Variants in PLXNA2 observed in about 807,000 individuals in gnomAD.
PLXNA2 encodes the protein plexin A2, also known as plexin-A2.
A neutral mutation model predicts 193.5 loss-of-function variants in PLXNA2; 91 were observed. That is an observed-to-expected ratio of 0.47 (90% CI 0.40 to 0.56). The LOEUF (loss-of-function observed/expected upper bound fraction) is 0.56, where lower values mean the gene tolerates loss of function less well. Ranked by LOEUF, PLXNA2 falls within the 20% of genes least tolerant of loss-of-function variation. The pLI, the probability that PLXNA2 is intolerant of heterozygous loss-of-function variation, is 0.00. For missense variants in PLXNA2, 1,995 were observed against 2,503.2 expected, an observed-to-expected ratio of 0.80 and a Z score of 4.33; for synonymous variants, 997 against 1,027.3, an observed-to-expected ratio of 0.97 and a Z score of 0.56.
At chr1:208,144,460 T>A (rs1444594939) in intron 3 of PLXNA2, among the ~76,000 whole-genome samples, 1 of 152,126 alleles carries the variant, frequency 6.6e-6, no homozygotes, top group Non-Finnish European at 1.5e-5. Context: ...AAACAGACCA[T>A]GAGTCCATCG....
At chr1:208,121,117 G>T (rs368990495) in intron 4 of PLXNA2, among the ~76,000 whole-genome samples, 1 of 152,278 alleles carries the variant, frequency 6.6e-6, no homozygotes, top group East Asian at 1.9e-4. Context: ...CCCAATGGAA[G>T]AATTTCTCTG....
At chr1:208,132,618 A>G (rs1252805746) in intron 4 of PLXNA2, among the ~76,000 whole-genome samples, 1 of 152,220 alleles carries the variant, frequency 6.6e-6, no homozygotes, top group Admixed American at 6.5e-5. Flanking sequence ...AGATTTCAAC[A>G]CAGCTTAAAT....
At chr1:208,220,199 G>T (rs1347868442) in intron 1 of PLXNA2, among the ~76,000 whole-genome samples, 1 of 152,076 alleles carries the variant, frequency 6.6e-6, no homozygotes, top group Non-Finnish European at 1.5e-5. Context: ...TCCCTGCTTG[G>T]TATCCTCCCA....
At chr1:208,032,110 G>C in intron 28 of PLXNA2, 1 of 985,444 alleles carries the variant, frequency 1.0e-6, no homozygotes, top group Non-Finnish European at 1.2e-6. Flanking sequence ...TCCGGAAACA[G>C]TGTCCGAGGA....
intron 3 of PLXNA2, among the ~76,000 whole-genome samples, chr1:208,164,555 G>A (rs1669234953): frequency 6.6e-6 from 1 of 152,210 alleles, no homozygotes; most frequent in Non-Finnish European, 1.5e-5. Flanking sequence ...GGAGGGAAAA[G>A]GGAAGATGAA....
intron 11 of PLXNA2, 113 bp from the exon 12 acceptor site, chr1:208,079,563 C>T (rs1666266778): frequency 4.1e-6 from 3 of 734,482 alleles, no homozygotes; most frequent in Non-Finnish European, 6.6e-6. Flanking sequence ...ATGGATAACA[C>T]CACCAATCAT....
At chr1:208,231,619 A>G (rs1671696030) in intron 1 of PLXNA2, among the ~76,000 whole-genome samples, 1 of 152,182 alleles carries the variant, frequency 6.6e-6, no homozygotes, top group African/African-American at 2.4e-5. Flanking sequence ...TGTAATACGA[A>G]CAAGTATTTG....
At chr1:208,140,425 G>T (rs1349068613) in intron 4 of PLXNA2, among the ~76,000 whole-genome samples, 1 of 152,102 alleles carries the variant, frequency 6.6e-6, no homozygotes, top group African/African-American at 2.4e-5. Context: ...TTCCCACTTT[G>T]CTGGGCTCAG....
chr1:208,168,818 A>G (rs1669399743), intron 3 of PLXNA2, among the ~76,000 whole-genome samples: 1 of 137,420 alleles, frequency 7.3e-6, no homozygotes, highest in African/African-American at 2.7e-5. Context: ...ATCTGTGGCC[A>G]GGTCATGCTA....
Position 208,040,126 on chromosome 1 carries a change from G to T in PLXNA2, c.4287-68C>A, listed in dbSNP as rs1664819065. On this transcript the variant is annotated intron_variant, in intron 22 of 31. Transcript: ENST00000367033. ...GGTCTCCGTGGTGGGGCCTGGGCTTGCCATGAGGTCTCCCAAGAGAACAAT... is the reference window on the plus strand; with the variant it reads ...GGTCTCCGTGGTGGGGCCTGGGCTTTCCATGAGGTCTCCCAAGAGAACAAT... The T allele has an allele frequency of 8.6e-6, 11 of 1,277,598 alleles. No individual in the cohort carries two copies. In the Middle Eastern group the frequency reaches 7.5e-4, roughly 87 times the overall value. 79.1% of individuals were successfully genotyped at this position (1,277,598 alleles called of 1,614,324 possible).
chr1:208,045,346 G>T, intron 18 of PLXNA2, 136 bp from the exon 19 acceptor site: 1 of 763,360 alleles, frequency 1.3e-6, no homozygotes, highest in Non-Finnish European at 2.2e-6. Context: ...GCAAGTTTTT[G>T]TGGAGGGGAC....
intron 31 of PLXNA2, 72 bp downstream of exon 31, chr1:208,027,937 C>T: frequency 7.3e-7 from 1 of 1,373,190 alleles, no homozygotes; most frequent in East Asian, 2.6e-5. Context: ...AAATTGCCAT[C>T]TATTTAAGGA....
intron 4 of PLXNA2, among the ~76,000 whole-genome samples, chr1:208,109,451 C>CTG (rs752775332): frequency 3.9e-5 from 6 of 152,242 alleles, no homozygotes; most frequent in Non-Finnish European, 7.3e-5. Context: ...GAGACCCCTG[C>CTG]TGGGGCTGCT....
chr1:208,238,978 C>T (rs1280793201), intron 1 of PLXNA2, among the ~76,000 whole-genome samples: 3 of 152,256 alleles, frequency 2.0e-5, no homozygotes, highest in Admixed American at 6.5e-5. Flanking sequence ...CAGGCCTCTC[C>T]GGAGTTGCTC....
intron 1 of PLXNA2, among the ~76,000 whole-genome samples, chr1:208,227,729 C>G (rs1307811644): frequency 6.6e-6 from 1 of 152,146 alleles, no homozygotes; most frequent in Non-Finnish European, 1.5e-5. Context: ...GCTTTGCTAG[C>G]TTGGCAGCCG....
At position 208,103,148 on chromosome 1, in the gene PLXNA2, T is replaced by C. The variant is rs1427269254; in HGVS notation, c.1606A>G (p.Met536Val). 1 of 1,612,406 alleles carries C rather than the reference T, an allele frequency of 6.2e-7. No individual in the cohort carries two copies. Among genetic ancestry groups the C allele is most frequent in the East Asian group, 2.2e-5 (1 of 44,862 alleles). ...TTTTCCAGTATACCCCAAACTTACA[T>C]GTTGTGCAGGGCACACCAGCCACAG... ...PHCGWCALHNMCSRRDKCQQA... is the reference protein window; with the variant it reads ...PHCGWCALHNVCSRRDKCQQA... The change falls in exon 5 of 32, where the codon ATG (methionine) becomes GTG (valine). Residue 536 changes from methionine to valine, a missense_variant and splice_region_variant. Physicochemically the swap from Met to Val is conservative, Grantham distance 21. Around this residue, in one of 3 missense-constraint regions of PLXNA2, gnomAD observed 702 missense variants for 812.9 expected, o/e 0.86. Transcript: ENST00000367033.
chr1:208,102,493 A>G (rs914349780), intron 5 of PLXNA2, among the ~76,000 whole-genome samples: 8 of 152,268 alleles, frequency 5.3e-5, no homozygotes, highest in Admixed American at 4.6e-4. Context: ...AGGCCAGTTG[A>G]AGTGAGATGT....
At chr1:208,108,507 A>C (rs1347495847) in intron 4 of PLXNA2, among the ~76,000 whole-genome samples, 1 of 152,172 alleles carries the variant, frequency 6.6e-6, no homozygotes, top group Non-Finnish European at 1.5e-5. Context: ...ACAGAGAATC[A>C]ACACTGCATC....
chr1:208,073,576 C>T (rs1419433838), intron 12 of PLXNA2, among the ~76,000 whole-genome samples: 3 of 152,166 alleles, frequency 2.0e-5, no homozygotes, highest in African/African-American at 7.2e-5. Context: ...GGAATGGTGG[C>T]ATCTCCCCCC....
Sources: gnomAD v4.1 joint callset for allele counts (sites outside exome capture counted in the v4.1 genomes callset) on GRCh38, gnomAD v4.1.1 for gene constraint, gnomAD v4.1.1 regional missense constraint, MANE v1.5 for transcripts, NCBI Gene and HGNC (gene_info 2026-07-23, HGNC 2026-07-21) for gene names.